Variants in SAMD3 observed in about 807,000 individuals in gnomAD.
The protein encoded by SAMD3 is sterile alpha motif domain containing 3.
Under a neutral mutation model 58.5 loss-of-function variants are expected in SAMD3, and 63 were observed. The ratio of observed to expected loss-of-function variants is 1.08; its 90% CI spans 0.88 to 1.33. SAMD3 has a LOEUF of 1.33. Ranked by LOEUF, SAMD3 falls within the 40% of genes most tolerant of loss-of-function variation. The pLI is 0.00. For synonymous variants in SAMD3, 220 were observed against 210.3 expected, an observed-to-expected ratio of 1.05 and a Z score of -0.40; for missense variants, 604 against 608.4, an observed-to-expected ratio of 0.99 and a Z score of 0.08.
At chr6:130,151,726 C>G (rs905659724) in intron 9 of SAMD3, among the ~76,000 whole-genome samples, 5 of 152,196 alleles carry the variant, frequency 3.3e-5, no homozygotes, top group African/African-American at 1.2e-4. Flanking sequence ...CAGGCATGAG[C>G]CACCATGCCT....
At chr6:130,335,736 TC>T (rs1777078940) in intron 1 of SAMD3, among the ~76,000 whole-genome samples, 1 of 152,188 alleles carries the variant, frequency 6.6e-6, no homozygotes, top group Non-Finnish European at 1.5e-5. Flanking sequence ...GCGGCTCTAT[TC>T]ACAATAGCAA....
At chr6:130,305,591 G>C (rs1050240471) in intron 2 of SAMD3, among the ~76,000 whole-genome samples, 1 of 152,046 alleles carries the variant, frequency 6.6e-6, no homozygotes, top group Non-Finnish European at 1.5e-5. Context: ...CTACCAGTTA[G>C]ATAAGAATTT....
downstream of SAMD3, chr6:130,143,656 T>C (rs773028746): frequency 7.2e-5 from 11 of 152,246 alleles, no homozygotes; most frequent in Non-Finnish European, 1.3e-4. Flanking sequence ...CCCTTTTCTG[T>C]TCCCAAAAGG....
chr6:130,177,436 C>T (rs1791830396), intron 7 of SAMD3, among the ~76,000 whole-genome samples: 2 of 152,154 alleles, frequency 1.3e-5, no homozygotes, highest in Admixed American at 6.5e-5. Context: ...CCCTGGACTT[C>T]TACCTCAATA....
In SAMD3 at chr6:130,144,756, C is replaced by T. The variant is rs61737599; in HGVS notation, c.1327G>A (p.Glu443Lys). Residue 443 changes from glutamate to lysine, a missense_variant, in exon 12 of 12, where the codon GAG (glutamate) becomes AAG (lysine). Coordinates refer to ENST00000439090, the MANE Select transcript of SAMD3 (RefSeq NM_001017373.4). ...AAATATAAAGAAAATTCGCAGACCT[C>T]CATGTTGAAAGGGTTTTTAACTTCC... is the stretch of plus-strand genomic sequence containing the variant. ...VLEVKNPFNM[E>K]VCEFSLYLER... 6.2e-4 allele frequency: 1,002 copies of T among 1,613,968 alleles called. 5 individuals are homozygous for T. In the African/African-American group the frequency reaches 0.012, roughly 20 times the overall value.
At chr6:130,263,427 C>G (rs1774214644) in intron 2 of SAMD3, among the ~76,000 whole-genome samples, 1 of 152,056 alleles carries the variant, frequency 6.6e-6, no homozygotes, top group South Asian at 2.1e-4. Flanking sequence ...TCGAGCCAGC[C>G]TCAGAAGGAC....
chr6:130,225,288 A>G (rs1796357792), upstream of SAMD3, among the ~76,000 whole-genome samples: 1 of 152,232 alleles, frequency 6.6e-6, no homozygotes, highest in Non-Finnish European at 1.5e-5. Context: ...ATGGGAGCTC[A>G]GTCTCAAATC....
intron 2 of SAMD3, among the ~76,000 whole-genome samples, chr6:130,247,929 G>A (rs552212229): frequency 9.3e-4 from 142 of 152,096 alleles, no homozygotes; most frequent in Middle Eastern, 6.8e-3. Context: ...TTCTGCTTGC[G>A]TCTTCTGTTT....
At chr6:130,221,662 T>C (rs929147391) in intron 1 of SAMD3, 2 of 152,180 alleles carry the variant, frequency 1.3e-5, no homozygotes, top group African/African-American at 4.8e-5. Context: ...CATAAAGATC[T>C]TCATACTCGT....
intron 2 of SAMD3, among the ~76,000 whole-genome samples, chr6:130,260,837 G>T (rs1012977477): frequency 1.3e-5 from 2 of 152,240 alleles, no homozygotes; most frequent in Admixed American, 1.3e-4. Context: ...TGAACACCGG[G>T]AAGGAACTGG....
Position 130,238,298 on chromosome 6 carries a change from C to T in SAMD3, c.-187-15485G>A, listed in dbSNP as rs185816012. ...GTCAATAATTGATAGTTATTAAAAA[C>T]GAAAAAATATTGTGGGAAGATAGCA... On this transcript the variant is annotated intron_variant, in intron 2 of 13. Transcript: ENST00000368134. Among the ~76,000 whole-genome samples the T allele has an allele frequency of 4.3e-3, 648 of 151,918 alleles. 3 individuals are homozygous for T. Among genetic ancestry groups the T allele is most frequent in the African/African-American group, 0.015 (625 of 41,468 alleles).
intron 1 of SAMD3, among the ~76,000 whole-genome samples, chr6:130,218,229 C>A (rs1796088635): frequency 6.6e-6 from 1 of 152,226 alleles, no homozygotes; most frequent in Non-Finnish European, 1.5e-5. Context: ...GAGGGTCCTG[C>A]TAGTATATGC....
chr6:130,335,874 T>C (rs960788016), intron 1 of SAMD3, among the ~76,000 whole-genome samples: 5 of 151,884 alleles, frequency 3.3e-5, no homozygotes, highest in Admixed American at 2.0e-4. Context: ...GGGACATGAA[T>C]GAAATTGGAA....
chr6:130,215,359 T>TA (rs1314057782), intron 2 of SAMD3, 65 bp from the exon 3 acceptor site: 1 of 1,107,342 alleles, frequency 9.0e-7, no homozygotes, highest in African/African-American at 1.7e-5. Context: ...ATTTTTTTTT[T>TA]AACAGTCAGC....
intron 10 of SAMD3, 37 bp downstream of exon 10, chr6:130,145,973 A>G (rs910025354): frequency 2.4e-6 from 3 of 1,252,924 alleles, no homozygotes; most frequent in African/African-American, 1.5e-5. Flanking sequence ...CTGATAAATA[A>G]CAGATGAAAT....
chr6:130,337,964 A>G (rs1777152656), intron 1 of SAMD3, among the ~76,000 whole-genome samples: 1 of 152,244 alleles, frequency 6.6e-6, no homozygotes, highest in South Asian at 2.1e-4. Flanking sequence ...ATAACAAGGT[A>G]TCAAATGCTA....
intron 2 of SAMD3, among the ~76,000 whole-genome samples, chr6:130,267,409 A>G (rs1398300238): frequency 6.6e-6 from 1 of 152,196 alleles, no homozygotes; most frequent in Non-Finnish European, 1.5e-5. Context: ...GTACCATATG[A>G]ATCATTATCA....
At chr6:130,232,521 A>G (rs1308235930) in intron 2 of SAMD3, among the ~76,000 whole-genome samples, 1 of 152,212 alleles carries the variant, frequency 6.6e-6, no homozygotes, top group Non-Finnish European at 1.5e-5. Flanking sequence ...TTCCAAAAAT[A>G]TATCTACCTG....
At chr6:130,143,528 G>A (rs200060791), downstream of SAMD3, among the ~76,000 whole-genome samples, 18 of 152,210 alleles carry the variant, frequency 1.2e-4, no homozygotes, top group East Asian at 3.5e-3. Context: ...ACAGGTGTGA[G>A]CCACCGTGCC....
Sources: allele counts gnomAD v4.1 joint callset (sites outside exome capture counted in the v4.1 genomes callset), GRCh38; gene constraint gnomAD v4.1.1; transcripts MANE v1.5; gene names NCBI Gene and HGNC (gene_info 2026-07-23, HGNC 2026-07-21).